Variants in ANK3 observed in about 807,000 individuals in gnomAD.
ANK3 encodes the protein ankyrin-3.
Under a neutral mutation model 370.9 loss-of-function variants are expected in ANK3, and 57 were observed. The ratio of observed to expected loss-of-function variants is 0.15; its 90% confidence interval spans 0.12 to 0.19. ANK3 has a LOEUF of 0.19. ANK3 is among the 10% of genes least tolerant of loss of function. ANK3 has a pLI of 1.00. For synonymous variants in ANK3, 1,929 were observed against 1,946.3 expected (o/e 0.99, Z 0.23); for missense variants, 4,439 against 5,302.1 (o/e 0.84, Z 5.06).
At chr10:60,382,956 G>A (rs2132840073) in intron 1 of ANK3, among the ~76,000 whole-genome samples, 1 of 151,914 alleles carries the variant, frequency 6.6e-6, no homozygotes, top group East Asian at 1.9e-4. Context: ...ATTAAAATTT[G>A]AATTAGTAAA....
chr10:60,642,475 CT>C (rs2078647885), intron 1 of ANK3, among the ~76,000 whole-genome samples: 1 of 152,072 alleles, frequency 6.6e-6, no homozygotes, highest in Non-Finnish European at 1.5e-5. Context: ...AGTTCATGTC[CT>C]TTGTAGGGAC....
intron 2 of ANK3, among the ~76,000 whole-genome samples, chr10:60,427,330 ACT>A (rs1269920189): frequency 1.3e-5 from 2 of 152,060 alleles, no homozygotes; most frequent in African/African-American, 4.8e-5. Flanking sequence ...ACATATCCTG[ACT>A]CTGACCTGTA....
At chr10:60,237,764 T>C (rs1409497370) in intron 7 of ANK3, among the ~76,000 whole-genome samples, 1 of 152,156 alleles carries the variant, frequency 6.6e-6, no homozygotes, top group African/African-American at 2.4e-5. Flanking sequence ...CCTAGAGAAA[T>C]ACTTTATATT....
chr10:60,543,259 T>G (rs2076890337), intron 2 of ANK3, among the ~76,000 whole-genome samples: 1 of 151,998 alleles, frequency 6.6e-6, no homozygotes, highest in Non-Finnish European at 1.5e-5. Flanking sequence ...TTTGGCAATA[T>G]CTATAAATTT....
intron 41 of ANK3, among the ~76,000 whole-genome samples, chr10:60,056,455 T>G (rs1022852229): frequency 1.3e-5 from 2 of 151,912 alleles, no homozygotes; most frequent in Non-Finnish European, 2.9e-5. Flanking sequence ...GGTGACAGAG[T>G]GAGACTCTGT....
intron 1 of ANK3, among the ~76,000 whole-genome samples, chr10:60,379,998 G>A (rs1367481194): frequency 1.3e-5 from 2 of 150,618 alleles, no homozygotes; most frequent in East Asian, 1.9e-4. Flanking sequence ...AAAAAAAATC[G>A]AAGAACCCCC....
chr10:60,098,326 T>C (rs532802960), intron 28 of ANK3, among the ~76,000 whole-genome samples: 26 of 152,336 alleles, frequency 1.7e-4, no homozygotes, highest in African/African-American at 6.0e-4. Context: ...AATATAAATA[T>C]GAATTGCTAT....
intron 1 of ANK3, among the ~76,000 whole-genome samples, chr10:60,284,802 C>T (rs540038742): frequency 2.6e-5 from 4 of 151,612 alleles, no homozygotes; most frequent in Non-Finnish European, 4.4e-5. Context: ...TTCTGGGGGG[C>T]GGGGGCAATC....
At chr10:60,493,062 A>G (rs1456074902) in intron 2 of ANK3, among the ~76,000 whole-genome samples, 1 of 147,254 alleles carries the variant, frequency 6.8e-6, no homozygotes, top group Non-Finnish European at 1.5e-5. Flanking sequence ...CCTGGGCGAC[A>G]GAGCGAGACT....
chr10:60,298,305 C>A (rs958971621), intron 1 of ANK3, among the ~76,000 whole-genome samples: 7 of 152,066 alleles, frequency 4.6e-5, no homozygotes, highest in African/African-American at 1.4e-4. Context: ...ACTGTAAAAA[C>A]CACAAGCCGA....
At chr10:60,285,770 CAGAAG>C (rs2098235183) in intron 1 of ANK3, among the ~76,000 whole-genome samples, 1 of 152,144 alleles carries the variant, frequency 6.6e-6, no homozygotes, top group Non-Finnish European at 1.5e-5. Flanking sequence ...ACAGCAAAAA[CAGAAG>C]TGTGCTGAGA....
At chr10:60,077,596 C>T (rs867414399) in intron 36 of ANK3, among the ~76,000 whole-genome samples, 1 of 152,192 alleles carries the variant, frequency 6.6e-6, no homozygotes, top group African/African-American at 2.4e-5. Context: ...CAACTACATA[C>T]GTCCATGTCT....
At chr10:60,187,821 C>T (rs917727091) in intron 16 of ANK3, among the ~76,000 whole-genome samples, 32 of 152,140 alleles carry the variant, frequency 2.1e-4, no homozygotes, top group African/African-American at 6.5e-4. Flanking sequence ...AATATAGTCT[C>T]ATGTTTCTCT....
At chr10:60,062,613 T>C (rs2080806215) in intron 40 of ANK3, 1 of 152,276 alleles carries the variant, frequency 6.6e-6, no homozygotes, top group Non-Finnish European at 1.5e-5. Context: ...GAATGATACA[T>C]TAAATTTTTT....
intron 2 of ANK3, among the ~76,000 whole-genome samples, chr10:60,460,886 T>C (rs1489075505): frequency 6.6e-6 from 1 of 152,204 alleles, no homozygotes; most frequent in Non-Finnish European, 1.5e-5. Flanking sequence ...GATATGACTC[T>C]ATAATTCACA....
At chr10:60,662,713 G>T (rs1284493488) in intron 1 of ANK3, among the ~76,000 whole-genome samples, 1 of 152,092 alleles carries the variant, frequency 6.6e-6, no homozygotes, top group East Asian at 1.9e-4. Flanking sequence ...AAACATAAAC[G>T]CAAGCTTCAA....
chr10:60,078,559 C>T (rs1373511376), intron 36 of ANK3, among the ~76,000 whole-genome samples: 2 of 152,172 alleles, frequency 1.3e-5, no homozygotes, highest in African/African-American at 2.4e-5. Flanking sequence ...TGAACCACGT[C>T]TATGGTTTTA....
intron 43 of ANK3, among the ~76,000 whole-genome samples, chr10:60,040,622 A>G (rs977779303): frequency 3.3e-5 from 5 of 152,168 alleles, no homozygotes; most frequent in African/African-American, 1.2e-4. Flanking sequence ...AAATTTTAAA[A>G]CTTTCTTTAT....
At chr10:60,335,316 A>G (rs374125441) in intron 1 of ANK3, among the ~76,000 whole-genome samples, 1 of 152,122 alleles carries the variant, frequency 6.6e-6, no homozygotes, top group South Asian at 2.1e-4. Context: ...TTGTTTTCTC[A>G]AAGGAATAAA....
Sources: allele counts gnomAD v4.1 joint callset (sites outside exome capture counted in the v4.1 genomes callset), GRCh38; gene constraint gnomAD v4.1.1; transcripts MANE v1.5; gene names NCBI Gene and HGNC (gene_info 2026-07-23, HGNC 2026-07-21).